The following PDZRN3 variants were observed in gnomAD, a reference collection of about 807,000 sequenced individuals.
The protein encoded by PDZRN3 is PDZ domain containing ring finger 3, also known as E3 ubiquitin-protein ligase PDZRN3.
A neutral mutation model predicts 85.7 loss-of-function variants in PDZRN3; 38 were observed. The observed-to-expected ratio is 0.44, with a 90% confidence interval of 0.34 to 0.58. The LOEUF (loss-of-function observed/expected upper bound fraction) is 0.58. Ranked by LOEUF, PDZRN3 falls within the 20% of genes least tolerant of loss-of-function variation. The pLI, the probability that PDZRN3 is intolerant of heterozygous loss-of-function variation, is 0.01. For synonymous variants in PDZRN3, 759 were observed against 638.0 expected, an observed-to-expected ratio of 1.19 and a Z score of -2.86; for missense variants, 1,629 against 1,506.4, an observed-to-expected ratio of 1.08 and a Z score of -1.35.
At chr3:73,458,900 G>A (rs1193083144) in intron 3 of PDZRN3, among the ~76,000 whole-genome samples, 1 of 150,636 alleles carries the variant, frequency 6.6e-6, no homozygotes, top group African/African-American at 2.4e-5. Flanking sequence ...GCTGAGACAG[G>A]AGAATCGATT....
intron 3 of PDZRN3, among the ~76,000 whole-genome samples, chr3:73,508,817 C>T (rs1704113258): frequency 6.6e-6 from 1 of 152,086 alleles, no homozygotes. Flanking sequence ...TATTTTTTCT[C>T]TCCCCTGTCC....
At chr3:73,594,043 C>T (rs928219563) in intron 3 of PDZRN3, 7 of 151,960 alleles carry the variant, frequency 4.6e-5, no homozygotes, top group African/African-American at 1.7e-4. Flanking sequence ...ATTTATCTGA[C>T]TAGTATAAAG....
Position 73,385,753 on chromosome 3 carries a change from G to T in PDZRN3, c.1551C>A (p.Asn517Lys), listed in dbSNP as rs1377013458. Residue 517 changes from asparagine (N) to lysine (K), a missense_variant, in exon 9 of 10, where the codon AAC (asparagine) becomes AAA (lysine). Transcript: ENST00000263666. ...LDEGWMDDDR[N>K]DFLDDLHMDM... ...CCATGTGCAGGTCATCCAGAAAGTCGTTCCTGTCATCATCCATCCAGCCCT... is the reference window on the plus strand; with the variant it reads ...CCATGTGCAGGTCATCCAGAAAGTCTTTCCTGTCATCATCCATCCAGCCCT... 6.2e-7 allele frequency: 1 copy of T among 1,613,336 alleles called. No individual in the cohort carries two copies. Among genetic ancestry groups the T allele is most frequent in the Non-Finnish European group, 8.5e-7 (1 of 1,179,420 alleles).
chr3:73,401,332 A>C (rs1410040210), intron 4 of PDZRN3, among the ~76,000 whole-genome samples: 3 of 152,178 alleles, frequency 2.0e-5, no homozygotes, highest in Non-Finnish European at 4.4e-5. Flanking sequence ...TCTACGCAGG[A>C]AACAGGACAA....
chr3:73,562,556 T>A (rs903099629), intron 3 of PDZRN3, among the ~76,000 whole-genome samples: 10 of 152,116 alleles, frequency 6.6e-5, no homozygotes, highest in African/African-American at 2.4e-4. Context: ...CACAAAACCA[T>A]CCTCCCAATC....
intron 3 of PDZRN3, among the ~76,000 whole-genome samples, chr3:73,514,029 A>C (rs1439713422): frequency 6.6e-6 from 1 of 152,248 alleles, no homozygotes; most frequent in African/African-American, 2.4e-5. Flanking sequence ...TAATTTTAGG[A>C]ACAATGCATT....
At chr3:73,580,914 A>G (rs1702191159) in intron 3 of PDZRN3, among the ~76,000 whole-genome samples, 1 of 152,210 alleles carries the variant, frequency 6.6e-6, no homozygotes, top group African/African-American at 2.4e-5. Flanking sequence ...AATCTACCTC[A>G]AACTAATTCT....
intron 3 of PDZRN3, among the ~76,000 whole-genome samples, chr3:73,571,728 G>A (rs1027759976): frequency 1.3e-5 from 2 of 152,238 alleles, no homozygotes; most frequent in Middle Eastern, 3.4e-3. Flanking sequence ...CTGAGCAGGC[G>A]GCTCTCACCT....
Position 73,384,657 on chromosome 3 carries a change from C to G in PDZRN3, c.1909G>C (p.Gly637Arg). 6.2e-7 allele frequency: 1 copy of G among 1,613,988 alleles called. No individual in the cohort carries two copies. The highest frequency in any genetic ancestry group is 8.5e-7 in the Non-Finnish European group (1 of 1,180,044). Residue 637 changes from glycine (G) to arginine (R), a missense_variant, in exon 10 of 10, where the codon GGG (glycine) becomes CGG (arginine). Gly to Arg is a moderately radical substitution (Grantham distance 125). Transcript: ENST00000263666. ...CGCTCGCACTCGTCCACCGGGATCC[C>G]CAGGTAGTCGGCGTCCGTGCAGTCG... ...SADCTDADYL[G>R]IPVDECERFR...
intron 3 of PDZRN3, among the ~76,000 whole-genome samples, chr3:73,575,629 CAGA>C (rs1190305193): frequency 1.3e-5 from 2 of 152,096 alleles, no homozygotes; most frequent in East Asian, 1.9e-4. Context: ...CAAGAAAGTT[CAGA>C]AGAAGAAAGA....
intron 1 of PDZRN3, among the ~76,000 whole-genome samples, chr3:73,617,295 A>T (rs1179175386): frequency 6.6e-6 from 1 of 152,210 alleles, no homozygotes; most frequent in African/African-American, 2.4e-5. Flanking sequence ...ATGGCTGCTC[A>T]GGTCCATCTG....
intron 3 of PDZRN3, among the ~76,000 whole-genome samples, chr3:73,580,770 A>G (rs2106866255): frequency 6.6e-6 from 1 of 152,324 alleles, no homozygotes; most frequent in South Asian, 2.1e-4. Context: ...TTGCCTACAA[A>G]AAGTGCATAT....
intron 3 of PDZRN3, among the ~76,000 whole-genome samples, chr3:73,515,562 C>T (rs977353476): frequency 6.6e-6 from 1 of 152,132 alleles, no homozygotes. Context: ...CTCATCCACC[C>T]GTTACAGAAT....
intron 3 of PDZRN3, among the ~76,000 whole-genome samples, chr3:73,459,810 C>T (rs2106862496): frequency 6.6e-6 from 1 of 152,272 alleles, no homozygotes; most frequent in East Asian, 1.9e-4. Flanking sequence ...AAGCACTCTT[C>T]TTTTATATCT....
rs114656302 is a variant in PDZRN3 at position 73,509,859 on chromosome 3, A to T, written c.918+92495T>A. Among the ~76,000 whole-genome samples, 1,464 of 152,212 alleles carry T rather than the reference A, an allele frequency of 9.6e-3. 22 individuals are homozygous for T. Among genetic ancestry groups the T allele is most frequent in the African/African-American group, 0.033 (1,357 of 41,538 alleles). On this transcript the variant is annotated intron_variant, in intron 3 of 9. Transcript: ENST00000263666. Reference sequence around the variant, plus strand: ...GCTCTTCTCTGTGACTTCCCTGAAAACCCACTGCAAATGTTTCCACCTGGG... The same window carrying T: ...GCTCTTCTCTGTGACTTCCCTGAAATCCCACTGCAAATGTTTCCACCTGGG...
intron 3 of PDZRN3, among the ~76,000 whole-genome samples, chr3:73,588,649 T>C (rs868237215): frequency 5.9e-5 from 9 of 152,242 alleles, no homozygotes; most frequent in Admixed American, 2.0e-4. Flanking sequence ...CTAGCTTAAA[T>C]TGACTACCTC....
intron 3 of PDZRN3, among the ~76,000 whole-genome samples, chr3:73,565,234 C>T (rs4234175): frequency 0.75 from 113,384 of 151,128 alleles, 43,001 homozygotes; most frequent in South Asian, 0.82. Context: ...GTTCAAGCAA[C>T]TCTCCTGCCT....
At chr3:73,549,587 AG>A (rs1019740387) in intron 3 of PDZRN3, among the ~76,000 whole-genome samples, 7 of 152,192 alleles carry the variant, frequency 4.6e-5, no homozygotes, top group African/African-American at 1.7e-4. Flanking sequence ...CATTTCATAA[AG>A]GGTTTTTCAC....
At chr3:73,515,752 A>C (rs968266478) in intron 3 of PDZRN3, among the ~76,000 whole-genome samples, 4 of 152,222 alleles carry the variant, frequency 2.6e-5, no homozygotes, top group Non-Finnish European at 4.4e-5. Context: ...TTAAAGCTAA[A>C]TTTAGTTATC....
Sources: allele counts gnomAD v4.1 joint callset (sites outside exome capture counted in the v4.1 genomes callset), GRCh38; gene constraint gnomAD v4.1.1; transcripts MANE v1.5; gene names NCBI Gene and HGNC (gene_info 2026-07-23, HGNC 2026-07-21).